Variants in PRELID2 observed in about 807,000 individuals in gnomAD.
PRELID2 encodes PRELI domain-containing protein 2.
Under a neutral mutation model 28.4 loss-of-function variants are expected in PRELID2, and 25 were observed. The observed-to-expected ratio is 0.88, with a 90% CI of 0.64 to 1.23. The LOEUF is 1.23. PRELID2 is among the 50% of genes most tolerant of loss of function. The probability of loss-of-function intolerance (pLI) is 0.00; values close to 1 mark genes in which losing one functional copy is unlikely to be tolerated. For missense variants in PRELID2, 201 were observed against 214.4 expected (o/e 0.94, Z 0.39); for synonymous variants, 76 against 71.6 (o/e 1.06, Z -0.31).
Position 145,818,008 on chromosome 5 carries a change from C to G in PRELID2, c.254G>C (p.Trp85Ser). 6.2e-7 allele frequency: 1 copy of G among 1,613,184 alleles called. No homozygotes were observed. The part of the protein sequence containing the change: ...VPNIQLEEES[W>S]LNPRERNMAI... ...CATGTTTCTTTCCCGAGGATTGAGCCATGACTCCTCTTCTAATTGGATATT... is the reference window on the plus strand; with the variant it reads ...CATGTTTCTTTCCCGAGGATTGAGCGATGACTCCTCTTCTAATTGGATATT... The change falls in exon 4 of 7, where the codon TGG (tryptophan) becomes TCG (serine). Residue 85 changes from tryptophan (W) to serine (S), a missense_variant. By Grantham distance (177) the Trp-to-Ser change is radical. Transcript: ENST00000683046.
At chr5:145,284,926 T>C in the PRELID2 span, among the ~76,000 whole-genome samples, 10 of 152,142 alleles carry the variant, frequency 6.6e-5, no homozygotes, top group Non-Finnish European at 1.0e-4. Flanking sequence ...TTATTAATAT[T>C]TTAATAATGA....
intron 1 of PRELID2, among the ~76,000 whole-genome samples, chr5:145,549,573 G>T (rs10056824): frequency 0.25 from 37,688 of 152,000 alleles, 7,434 homozygotes; most frequent in African/African-American, 0.56. Context: ...GGCGGACGGA[G>T]CACGAGGTCA....
chr5:145,722,444 C>T (rs1409989563), intron 1 of PRELID2, among the ~76,000 whole-genome samples: 4 of 151,960 alleles, frequency 2.6e-5, no homozygotes, highest in Non-Finnish European at 5.9e-5. Context: ...GGATTACAGG[C>T]GTGTGCCACC....
chr5:145,623,816 A>G (rs1753807236), intron 1 of PRELID2, among the ~76,000 whole-genome samples: 2 of 152,066 alleles, frequency 1.3e-5, no homozygotes, highest in Admixed American at 6.6e-5. Context: ...GCGCTCCCCA[A>G]CTCTCCAACA....
the PRELID2 span, among the ~76,000 whole-genome samples, chr5:145,308,498 G>T: frequency 6.6e-6 from 1 of 152,086 alleles, no homozygotes; most frequent in Non-Finnish European, 1.5e-5. Flanking sequence ...TACTTTAGGT[G>T]CACCAATTCA....
chr5:145,740,580 A>AT (rs1173460376), intron 1 of PRELID2, among the ~76,000 whole-genome samples: 8 of 114,280 alleles, frequency 7.0e-5, no homozygotes, highest in Non-Finnish European at 1.2e-4. Context: ...AAATATATAT[A>AT]TTATATATAT....
rs539411998 is a variant in PRELID2 at position 145,737,100 on chromosome 5, A to C, written n.70+27831T>G. On this transcript the variant is annotated intron_variant and non_coding_transcript_variant, in intron 1 of 2. Coordinates refer to the PRELID2 transcript ENST00000510259. ...GAAGGAAAAGAGGAGAGAAAGAGAG[A>C]CCGAGACTTTGAGTTCATCTATTTC... Among the ~76,000 whole-genome samples the C allele has an allele frequency of 5.9e-5, 9 of 152,170 alleles. No individual in the cohort carries two copies. The South Asian group carries it at 1.9e-3, about 32-fold the overall frequency.
chr5:145,741,845 A>T (rs1489917301), intron 1 of PRELID2, among the ~76,000 whole-genome samples: 1 of 61,110 alleles, frequency 1.6e-5, no homozygotes, highest in Admixed American at 2.6e-4. Context: ...ATAAATATAT[A>T]AAACATTTTT....
intron 1 of PRELID2, among the ~76,000 whole-genome samples, chr5:145,477,666 C>T (rs1312379398): frequency 6.6e-6 from 1 of 152,120 alleles, no homozygotes; most frequent in Non-Finnish European, 1.5e-5. Context: ...AAGGTAAAAT[C>T]TACTATATAA....
chr5:145,612,585 T>C (rs1322107427), intron 1 of PRELID2, among the ~76,000 whole-genome samples: 1 of 152,134 alleles, frequency 6.6e-6, no homozygotes, highest in Non-Finnish European at 1.5e-5. Flanking sequence ...CTGAACTCTA[T>C]TAGTAGCCTT....
At chr5:145,806,145 A>G (rs1753490593) in intron 4 of PRELID2, among the ~76,000 whole-genome samples, 1 of 152,170 alleles carries the variant, frequency 6.6e-6, no homozygotes, top group African/African-American at 2.4e-5. Context: ...TCAATAATAA[A>G]TTAAACTTAG....
the PRELID2 span, among the ~76,000 whole-genome samples, chr5:145,332,530 T>C: frequency 6.6e-6 from 1 of 152,008 alleles, no homozygotes; most frequent in African/African-American, 2.4e-5. Context: ...CTTCAATCTC[T>C]GATATCTTTT....
At chr5:145,313,374 A>C in the PRELID2 span, among the ~76,000 whole-genome samples, 1 of 152,206 alleles carries the variant, frequency 6.6e-6, no homozygotes, top group Non-Finnish European at 1.5e-5. Context: ...TAATTTGAGA[A>C]GGGAGGAAAG....
chr5:145,574,930 G>A (rs1462678263), intron 1 of PRELID2, among the ~76,000 whole-genome samples: 1 of 152,202 alleles, frequency 6.6e-6, no homozygotes, highest in African/African-American at 2.4e-5. Context: ...GTGTAACCAT[G>A]TATTTTTTCA....
intron 4 of PRELID2, among the ~76,000 whole-genome samples, chr5:145,807,719 C>T (rs1481924865): frequency 6.6e-6 from 1 of 152,138 alleles, no homozygotes; most frequent in Non-Finnish European, 1.5e-5. Context: ...ACCCCCCGAC[C>T]CTGCCATTCC....
At chr5:145,510,155 C>T (rs1561496504) in intron 1 of PRELID2, among the ~76,000 whole-genome samples, 1 of 152,100 alleles carries the variant, frequency 6.6e-6, no homozygotes, top group Non-Finnish European at 1.5e-5. Flanking sequence ...GACTGGTTCA[C>T]ACTCAAACCT....
chr5:145,537,860 A>G (rs1026790148), intron 1 of PRELID2, among the ~76,000 whole-genome samples: 31 of 151,490 alleles, frequency 2.0e-4, no homozygotes, highest in African/African-American at 7.0e-4. Flanking sequence ...CCATTTGCCT[A>G]TTTTTTCTTA....
chr5:145,699,337 C>T (rs995084907), intron 1 of PRELID2, among the ~76,000 whole-genome samples: 9 of 151,980 alleles, frequency 5.9e-5, no homozygotes, highest in African/African-American at 2.2e-4. Flanking sequence ...GTGTATAATA[C>T]CTAACATTTG....
At chr5:145,604,232 T>C (rs1312585291) in intron 1 of PRELID2, among the ~76,000 whole-genome samples, 1 of 152,100 alleles carries the variant, frequency 6.6e-6, no homozygotes, top group Non-Finnish European at 1.5e-5. Flanking sequence ...ATTTTTTACC[T>C]ACTCCCTCCT....
Sources: gnomAD v4.1 joint callset for allele counts (sites outside exome capture counted in the v4.1 genomes callset) on GRCh38, gnomAD v4.1.1 for gene constraint, MANE v1.5 for transcripts, NCBI Gene and HGNC (gene_info 2026-07-23, HGNC 2026-07-21) for gene names.